The following YEATS2 variants were observed in gnomAD, a reference collection of about 807,000 sequenced individuals.
The protein encoded by YEATS2 is YEATS domain containing 2.
In YEATS2, 77 loss-of-function variants were observed where a neutral mutation model predicts 163.2. The ratio of observed to expected loss-of-function variants is 0.47; its 90% CI spans 0.39 to 0.57. The LOEUF is 0.57. Among genes scored for constraint, YEATS2 ranks in the 20% least tolerant of loss-of-function variants. YEATS2 has a pLI of 0.00. For missense variants in YEATS2, 1,549 were observed against 1,729.8 expected (o/e 0.90, Z 1.85); for synonymous variants, 631 against 645.1 (o/e 0.98, Z 0.33).
At position 183,798,025 on chromosome 3, in the gene YEATS2, A is replaced by C. The variant is rs570488066; in HGVS notation, c.3200A>C (p.Gln1067Pro). 5 of 1,614,112 alleles carry C rather than the reference A, an allele frequency of 3.1e-6. No homozygotes were observed. The highest frequency in any genetic ancestry group is 4.2e-6 in the Non-Finnish European group (5 of 1,179,964). Residue 1067 changes from glutamine to proline, a missense_variant, in exon 22 of 31, where the codon CAG (glutamine) becomes CCG (proline). Gln to Pro is a moderately conservative substitution (Grantham distance 76). Transcript: ENST00000305135. ...AGCGTAAACACATCTGGAGGGGTGC[A>C]GACGATCCTGATGCCTGTGAATAAA... is the stretch of plus-strand genomic sequence containing the variant. Reference protein sequence around the residue: ...PLSVNTSGGVQTILMPVNKVV... With the variant: ...PLSVNTSGGVPTILMPVNKVV...
chr3:183,725,531 G>A, intron 6 of YEATS2, among the ~76,000 whole-genome samples: 1 of 152,230 alleles, frequency 6.6e-6, no homozygotes, highest in Non-Finnish European at 1.5e-5. Flanking sequence ...CGGAAGGCAA[G>A]GGAGAAACAA....
chr3:183,758,669 G>A (rs1343712411), intron 12 of YEATS2, among the ~76,000 whole-genome samples, 193 bp from the exon 13 acceptor site: 1 of 150,194 alleles, frequency 6.7e-6, no homozygotes, highest in Non-Finnish European at 1.5e-5. Flanking sequence ...TTCAGGTTGA[G>A]CATGAGATCA....
Position 183,721,926 on chromosome 3 carries a change from T to A in YEATS2, c.327T>A (p.His109Gln). The change falls in exon 5 of 31, where the codon CAT becomes CAA. Residue 109 changes from histidine (H) to glutamine (Q), a missense_variant. By Grantham distance (24) the His-to-Gln change is conservative. Coordinates refer to ENST00000305135, the MANE Select transcript of YEATS2 (RefSeq NM_018023.5). ...SKTCDTMVFN[H>Q]PAIKKFLESP... ...CATGTGATACAATGGTTTTTAATCA[T>A]CCTGCTATCAAGAAATTTTTGGAAT... 1 of 1,614,200 alleles carries A rather than the reference T, an allele frequency of 6.2e-7. No individual in the cohort carries two copies. The highest frequency in any genetic ancestry group is 8.5e-7 in the Non-Finnish European group (1 of 1,180,026).
chr3:183,763,020 C>T (rs935351364), intron 15 of YEATS2, among the ~76,000 whole-genome samples: 1 of 151,306 alleles, frequency 6.6e-6, no homozygotes, highest in Non-Finnish European at 1.5e-5. Flanking sequence ...CACTGCACTC[C>T]AGCCTGGGTG....
chr3:183,761,610 C>G lies in YEATS2; in HGVS notation c.1760C>G (p.Thr587Arg). The part of the protein sequence containing the change: ...KPITGGLGAF[T>R]KVIIKQEPGE... ...ATAACAGGAGGACTTGGAGCTTTCA[C>G]AAAAGTGAGTATGTATTAGGGCATT... Residue 587 changes from threonine to arginine, a missense_variant, in exon 14 of 31, where the codon ACA (threonine) becomes AGA (arginine). Transcript: ENST00000305135. 1 of 1,613,748 alleles carries G rather than the reference C, an allele frequency of 6.2e-7. No homozygotes were observed. The highest frequency in any genetic ancestry group is 8.5e-7 in the Non-Finnish European group (1 of 1,179,652).
At chr3:183,729,949 C>G (rs1371494313) in intron 7 of YEATS2, among the ~76,000 whole-genome samples, 3 of 151,312 alleles carry the variant, frequency 2.0e-5, no homozygotes, top group East Asian at 3.9e-4. Flanking sequence ...CTTGGCCACC[C>G]AAAGTGCTGG....
intron 1 of YEATS2, among the ~76,000 whole-genome samples, chr3:183,710,088 C>G (rs948656968): frequency 6.6e-6 from 1 of 152,160 alleles, no homozygotes; most frequent in Non-Finnish European, 1.5e-5. Context: ...AGAGAAAATT[C>G]TTTCTCACAG....
At chr3:183,733,686 A>G (rs1423083246) in intron 7 of YEATS2, among the ~76,000 whole-genome samples, 1 of 152,220 alleles carries the variant, frequency 6.6e-6, no homozygotes, top group African/African-American at 2.4e-5. Flanking sequence ...ATCAAAGCAC[A>G]AATGTTTTTC....
At chr3:183,773,987 G>A (rs535690852) in intron 17 of YEATS2, among the ~76,000 whole-genome samples, 193 bp downstream of exon 17, 8 of 152,310 alleles carry the variant, frequency 5.3e-5, no homozygotes, top group Middle Eastern at 3.4e-3. Flanking sequence ...GCTCCTCAGC[G>A]TTTGCAATCA....
intron 1 of YEATS2, among the ~76,000 whole-genome samples, chr3:183,708,920 G>A (rs1000302930): frequency 1.3e-5 from 2 of 151,988 alleles, no homozygotes. Flanking sequence ...CCAGCATTTT[G>A]GGAGGCCGAG....
chr3:183,716,496 C>T (rs1482204893), intron 2 of YEATS2, among the ~76,000 whole-genome samples: 1 of 152,114 alleles, frequency 6.6e-6, no homozygotes, highest in African/African-American at 2.4e-5. Context: ...TTGTTAAATC[C>T]AATCCCAAAT....
intron 2 of YEATS2, among the ~76,000 whole-genome samples, chr3:183,716,307 G>A (rs1003834771): frequency 3.9e-5 from 6 of 152,122 alleles, no homozygotes; most frequent in Admixed American, 6.6e-5. Flanking sequence ...CTTCATTAAT[G>A]TTTATTTAAA....
At chr3:183,788,790 T>A (rs1015399468) in intron 20 of YEATS2, among the ~76,000 whole-genome samples, 4 of 152,220 alleles carry the variant, frequency 2.6e-5, no homozygotes, top group African/African-American at 9.6e-5. Flanking sequence ...CCTCTTCACA[T>A]CCTCGCCAGC....
chr3:183,783,551 C>T (rs185946527), intron 19 of YEATS2, among the ~76,000 whole-genome samples: 9 of 152,282 alleles, frequency 5.9e-5, no homozygotes, highest in African/African-American at 2.2e-4. Context: ...TAACCCTTCC[C>T]TCCCTGCCCC....
intron 28 of YEATS2, 29 bp downstream of exon 28, chr3:183,807,121 C>T: frequency 6.3e-7 from 1 of 1,581,754 alleles, no homozygotes; most frequent in Non-Finnish European, 8.6e-7. Flanking sequence ...ATAGTTCATG[C>T]AGCAGACCAG....
chr3:183,719,594 CT>C (rs1265505586), intron 4 of YEATS2, among the ~76,000 whole-genome samples: 1 of 152,124 alleles, frequency 6.6e-6, no homozygotes, highest in Non-Finnish European at 1.5e-5. Context: ...TTTCTTTGAC[CT>C]TTTAGTCTAG....
At chr3:183,736,941 C>A in intron 8 of YEATS2, 112 bp downstream of exon 8, 1 of 842,124 alleles carries the variant, frequency 1.2e-6, no homozygotes, top group South Asian at 1.9e-5. Context: ...AATTCACATA[C>A]AACTTTCGAC....
intron 15 of YEATS2, among the ~76,000 whole-genome samples, chr3:183,767,987 TG>T (rs1577148066): frequency 6.6e-6 from 1 of 152,232 alleles, no homozygotes; most frequent in South Asian, 2.1e-4. Context: ...TTGCTTTCTT[TG>T]TTTAGGAACA....
At chr3:183,755,169 G>T (rs974343003) in intron 11 of YEATS2, among the ~76,000 whole-genome samples, 3 of 152,008 alleles carry the variant, frequency 2.0e-5, no homozygotes, top group Admixed American at 6.6e-5. Context: ...ACGCTGGAGT[G>T]CAATGGCGCG....
Sources: allele counts gnomAD v4.1 joint callset (sites outside exome capture counted in the v4.1 genomes callset), GRCh38; gene constraint gnomAD v4.1.1; transcripts MANE v1.5; gene names NCBI Gene and HGNC (gene_info 2026-07-23, HGNC 2026-07-21).